Variants in PTPRD observed in about 807,000 individuals in gnomAD.
PTPRD encodes the protein receptor-type tyrosine-protein phosphatase delta.
In PTPRD, 34 loss-of-function variants were observed where a neutral mutation model predicts 214.5. The ratio of observed to expected loss-of-function variants is 0.16; its 90% CI spans 0.12 to 0.21. The LOEUF (loss-of-function observed/expected upper bound fraction) is 0.21. Ranked by LOEUF, PTPRD falls within the 10% of genes least tolerant of loss-of-function variation. The probability of loss-of-function intolerance (pLI) is 1.00; values close to 1 mark genes in which losing one functional copy is unlikely to be tolerated. For missense variants in PTPRD, 2,545 were observed against 2,398.7 expected (o/e 1.06, Z -1.27); for synonymous variants, 1,128 against 845.7 (o/e 1.33, Z -5.79).
At chr9:9,179,736 T>A (rs999651978) in intron 10 of PTPRD, among the ~76,000 whole-genome samples, 8 of 152,062 alleles carry the variant, frequency 5.3e-5, no homozygotes, top group African/African-American at 7.2e-5. Flanking sequence ...TAGATGGTTT[T>A]GATTCTGTCA....
At chr9:10,547,897 T>C (rs747590415) in intron 2 of PTPRD, among the ~76,000 whole-genome samples, 10 of 152,104 alleles carry the variant, frequency 6.6e-5, no homozygotes, top group Admixed American at 2.0e-4. Context: ...CGTGTTTTAA[T>C]AGAGATGTAG....
chr9:9,764,137 T>C (rs1303160667), intron 6 of PTPRD, among the ~76,000 whole-genome samples: 1 of 152,194 alleles, frequency 6.6e-6, no homozygotes, highest in African/African-American at 2.4e-5. Flanking sequence ...ATCTGTTTCT[T>C]CTTTGTACCC....
At chr9:10,145,358 A>G (rs1423018301) in intron 3 of PTPRD, among the ~76,000 whole-genome samples, 1 of 152,128 alleles carries the variant, frequency 6.6e-6, no homozygotes, top group Non-Finnish European at 1.5e-5. Flanking sequence ...AAATACCAGG[A>G]CCCACCTCCC....
intron 11 of PTPRD, among the ~76,000 whole-genome samples, chr9:8,830,581 A>G (rs1389879084): frequency 6.6e-6 from 1 of 152,124 alleles, no homozygotes; most frequent in African/African-American, 2.4e-5. Context: ...TGATCATCTC[A>G]AAACTCCTTC....
intron 11 of PTPRD, among the ~76,000 whole-genome samples, chr9:8,944,739 A>C (rs1437061152): frequency 6.6e-6 from 1 of 152,084 alleles, no homozygotes; most frequent in South Asian, 2.1e-4. Context: ...CGGTTACCAG[A>C]GGCTGGGAAG....
intron 5 of PTPRD, among the ~76,000 whole-genome samples, chr9:9,913,827 C>T (rs1478247434): frequency 2.6e-5 from 4 of 152,144 alleles, no homozygotes; most frequent in African/African-American, 4.8e-5. Flanking sequence ...TCTCCCTCCA[C>T]CTCCCACCTC....
At chr9:8,824,744 G>T (rs903382919) in intron 11 of PTPRD, among the ~76,000 whole-genome samples, 1 of 151,832 alleles carries the variant, frequency 6.6e-6, no homozygotes, top group African/African-American at 2.4e-5. Flanking sequence ...ATTCCTTTTG[G>T]TTTTTTTTGA....
At chr9:8,631,896 GA>G (rs2096265417) in intron 14 of PTPRD, among the ~76,000 whole-genome samples, 1 of 151,712 alleles carries the variant, frequency 6.6e-6, no homozygotes, top group African/African-American at 2.4e-5. Flanking sequence ...GTTGGTCAGG[GA>G]ATGGGGAACT....
chr9:9,816,642 A>G (rs528783790), intron 5 of PTPRD, among the ~76,000 whole-genome samples: 5 of 152,178 alleles, frequency 3.3e-5, no homozygotes, highest in African/African-American at 1.2e-4. Flanking sequence ...AAAAAGATGG[A>G]AAAAGGGAAG....
At chr9:9,594,324 T>G (rs2093063497) in intron 7 of PTPRD, among the ~76,000 whole-genome samples, 1 of 152,010 alleles carries the variant, frequency 6.6e-6, no homozygotes, top group Non-Finnish European at 1.5e-5. Flanking sequence ...TGCTTTTGGG[T>G]TCTTGGTCAT....
intron 7 of PTPRD, among the ~76,000 whole-genome samples, chr9:9,576,729 A>T (rs1169914350): frequency 6.6e-6 from 1 of 152,194 alleles, no homozygotes; most frequent in African/African-American, 2.4e-5. Flanking sequence ...AGAAGTTTTA[A>T]TTGTTATTAC....
intron 43 of PTPRD, 102 bp downstream of exon 43, chr9:8,338,820 C>A (rs2132196932): frequency 2.0e-6 from 2 of 1,016,790 alleles, no homozygotes; most frequent in South Asian, 2.8e-5. Flanking sequence ...CTCTTTGGGA[C>A]AACAGTCAAG....
At chr9:8,364,322 T>C (rs1157903268) in intron 39 of PTPRD, among the ~76,000 whole-genome samples, 4 of 152,240 alleles carry the variant, frequency 2.6e-5, no homozygotes, top group African/African-American at 9.6e-5. Context: ...GCACATGGGT[T>C]ATCATTGGAC....
At chr9:8,948,553 T>TTTA (rs2099084692) in intron 11 of PTPRD, among the ~76,000 whole-genome samples, 1 of 74,128 alleles carries the variant, frequency 1.3e-5, no homozygotes, top group African/African-American at 5.0e-5. Flanking sequence ...TTATATATAT[T>TTTA]TATATATATT....
chr9:8,851,911 G>C (rs1200841598), intron 11 of PTPRD, among the ~76,000 whole-genome samples: 3 of 152,080 alleles, frequency 2.0e-5, no homozygotes, highest in Non-Finnish European at 4.4e-5. Context: ...CCTGGGTCGA[G>C]ATTTTGCAAT....
intron 5 of PTPRD, among the ~76,000 whole-genome samples, chr9:9,817,592 T>C (rs1424225441): frequency 2.6e-5 from 4 of 152,206 alleles, no homozygotes; most frequent in African/African-American, 4.8e-5. Flanking sequence ...AAAAACTGAA[T>C]GTAAAATACT....
chr9:9,776,649 T>C (rs774960289), intron 5 of PTPRD, among the ~76,000 whole-genome samples: 4 of 152,194 alleles, frequency 2.6e-5, no homozygotes, highest in Non-Finnish European at 4.4e-5. Context: ...AAAAAGAACA[T>C]GCTAGTTTAA....
At chr9:9,208,545 A>G (rs548101263) in intron 9 of PTPRD, among the ~76,000 whole-genome samples, 1 of 152,178 alleles carries the variant, frequency 6.6e-6, no homozygotes, top group South Asian at 2.1e-4. Context: ...TAATATTTAC[A>G]TATTTATCAA....
intron 4 of PTPRD, among the ~76,000 whole-genome samples, chr9:10,014,892 G>C (rs1406960442): frequency 6.6e-6 from 1 of 151,886 alleles, no homozygotes; most frequent in Non-Finnish European, 1.5e-5. Context: ...CCACTTTATG[G>C]GGCATTTAAA....
Sources: gnomAD v4.1 joint callset for allele counts (sites outside exome capture counted in the v4.1 genomes callset) on GRCh38, gnomAD v4.1.1 for gene constraint, MANE v1.5 for transcripts, NCBI Gene and HGNC (gene_info 2026-07-23, HGNC 2026-07-21) for gene names.